The following LRRC28 variants were observed in gnomAD, a reference collection of about 807,000 sequenced individuals.
The protein encoded by LRRC28 is leucine rich repeat containing 28, also known as leucine-rich repeat-containing protein 28.
A neutral mutation model predicts 45.7 loss-of-function variants in LRRC28; 39 were observed. The ratio of observed to expected loss-of-function variants is 0.85; its 90% confidence interval spans 0.66 to 1.12. The LOEUF (loss-of-function observed/expected upper bound fraction) is 1.12. LRRC28 is among the 50% of genes most tolerant of loss of function. LRRC28 has a pLI of 0.00. For synonymous variants in LRRC28, 206 were observed against 178.8 expected (o/e 1.15, Z -1.22); for missense variants, 435 against 438.5 (o/e 0.99, Z 0.07).
intron 6 of LRRC28, among the ~76,000 whole-genome samples, chr15:99,340,189 T>C (rs1956460743): frequency 6.6e-6 from 1 of 152,248 alleles, no homozygotes; most frequent in Admixed American, 6.5e-5. Flanking sequence ...CAGTTTTTTG[T>C]AGTGGTAGTA....
intron 3 of LRRC28, among the ~76,000 whole-genome samples, chr15:99,280,439 A>C (rs1418967237): frequency 3.7e-5 from 5 of 136,062 alleles, no homozygotes; most frequent in African/African-American, 1.1e-4. Context: ...TTTATTGTAC[A>C]TTTATCACCT....
intron 2 of LRRC28, among the ~76,000 whole-genome samples, chr15:99,256,845 G>A (rs1280875648): frequency 6.6e-6 from 1 of 152,112 alleles, no homozygotes; most frequent in African/African-American, 2.4e-5. Context: ...ATTATTTATT[G>A]TAAAATTTGG....
intron 9 of LRRC28, among the ~76,000 whole-genome samples, chr15:99,373,383 AT>A (rs1567707457): frequency 1.3e-5 from 2 of 152,054 alleles, no homozygotes; most frequent in Admixed American, 1.3e-4. Flanking sequence ...TATTTTTAAA[AT>A]TTTTTTCATT....
rs976661298 is a variant in LRRC28 at position 99,387,148 on chromosome 15, C to A, written c.*1046C>A. The A allele has an allele frequency of 6.7e-6, 1 of 150,150 alleles. No individual in the cohort carries two copies. The highest frequency in any genetic ancestry group is 6.7e-5 in the Admixed American group (1 of 15,036). The allele number at this position is 150,150 out of a possible 1,614,324, so 9.3% of individuals were successfully genotyped here. A position where few individuals can be genotyped will look rare whatever the true frequency, so the allele number is the denominator to read the frequency against. ...GGATCTCGGCTCACTGCAAGCTCCGCCTCCCGGGTTCACGCCATTCTCCTG... is the reference window on the plus strand; with the variant it reads ...GGATCTCGGCTCACTGCAAGCTCCGACTCCCGGGTTCACGCCATTCTCCTG... On this transcript the variant is annotated 3_prime_UTR_variant, in exon 10 of 10. Coordinates refer to ENST00000301981, the MANE Select transcript of LRRC28 (RefSeq NM_144598.5).
Position 99,363,271 on chromosome 15 carries a change from C to G in LRRC28, c.1031+6C>G, listed in dbSNP as rs147598945. ...ATGGCAGGGCTGCACCAGTGGTAATCATGCCTAAGTGGGCACCAGGGTTTA... is the reference window on the plus strand; with the variant it reads ...ATGGCAGGGCTGCACCAGTGGTAATGATGCCTAAGTGGGCACCAGGGTTTA... On this transcript the variant is annotated splice_donor_region_variant and intron_variant, in intron 9 of 9. Coordinates refer to ENST00000301981, the MANE Select transcript of LRRC28 (RefSeq NM_144598.5). The G allele has an allele frequency of 1.5e-5, 24 of 1,613,570 alleles. No individual in the cohort carries two copies. Among genetic ancestry groups the G allele is most frequent in the Non-Finnish European group, 2.0e-5 (24 of 1,179,788 alleles).
chr15:99,311,481 G>A (rs111617175), intron 5 of LRRC28, among the ~76,000 whole-genome samples: 41 of 152,210 alleles, frequency 2.7e-4, no homozygotes, highest in African/African-American at 9.2e-4. Flanking sequence ...ATTTCTTCCT[G>A]TTGTTGATTT....
At chr15:99,323,773 T>C (rs549088100) in intron 5 of LRRC28, among the ~76,000 whole-genome samples, 9 of 152,358 alleles carry the variant, frequency 5.9e-5, no homozygotes, top group Non-Finnish European at 8.8e-5. Flanking sequence ...TTTTCTGTTA[T>C]TGTTATTGAA....
intron 9 of LRRC28, among the ~76,000 whole-genome samples, chr15:99,385,779 G>A (rs1466906087): frequency 6.6e-6 from 1 of 151,252 alleles, no homozygotes; most frequent in Non-Finnish European, 1.5e-5. Context: ...CTACTTTAGG[G>A]ATAATATATC....
At chr15:99,259,311 T>A in intron 2 of LRRC28, 2 of 1,241,836 alleles carry the variant, frequency 1.6e-6, no homozygotes, top group Non-Finnish European at 2.4e-6. Flanking sequence ...TATGAAGTTA[T>A]TTACCTCACA....
At chr15:99,279,293 G>C (rs186615135) in intron 3 of LRRC28, among the ~76,000 whole-genome samples, 1 of 152,276 alleles carries the variant, frequency 6.6e-6, no homozygotes, top group East Asian at 1.9e-4. Flanking sequence ...TTGTTTATCT[G>C]TTCATCAGTT....
intron 9 of LRRC28, among the ~76,000 whole-genome samples, chr15:99,369,076 A>G (rs559128242): frequency 6.6e-6 from 1 of 152,172 alleles, no homozygotes; most frequent in East Asian, 1.9e-4. Flanking sequence ...CCAGTTTCCA[A>G]TAATACATTC....
rs527374034 is a variant in LRRC28 at position 99,287,916 on chromosome 15, G to A, written c.350G>A (p.Arg117Gln). 4.7e-5 allele frequency: 76 copies of A among 1,613,668 alleles called. No homozygotes were observed. Among genetic ancestry groups the A allele is most frequent in the African/African-American group, 9.3e-5 (7 of 75,006 alleles). Residue 117 changes from arginine (R) to glutamine (Q), a missense_variant, in exon 5 of 10, where the codon CGA (arginine) becomes CAA (glutamine). Coordinates refer to ENST00000301981, the MANE Select transcript of LRRC28 (RefSeq NM_144598.5). Reference protein sequence around the residue: ...IGRLRALRHLRLANNQLQFLP... With the variant: ...IGRLRALRHLQLANNQLQFLP... ...CGTCTGAGAGCTTTACGTCATCTTCGATTAGCTAATAACCAACTGCAATTC... is the reference window on the plus strand; with the variant it reads ...CGTCTGAGAGCTTTACGTCATCTTCAATTAGCTAATAACCAACTGCAATTC...
At chr15:99,372,045 TCTTGA>T (rs1957498182) in intron 9 of LRRC28, among the ~76,000 whole-genome samples, 1 of 152,226 alleles carries the variant, frequency 6.6e-6, no homozygotes, top group Admixed American at 6.5e-5. Flanking sequence ...ATTAGATGAT[TCTTGA>T]GTAAGTTAAT....
chr15:99,330,188 A>G (rs1956116197), intron 5 of LRRC28, among the ~76,000 whole-genome samples: 1 of 152,134 alleles, frequency 6.6e-6, no homozygotes, highest in Non-Finnish European at 1.5e-5. Context: ...TGGATCTTTC[A>G]GGATTTCAAC....
At chr15:99,333,251 A>G (rs1482271239) in intron 5 of LRRC28, among the ~76,000 whole-genome samples, 1 of 152,254 alleles carries the variant, frequency 6.6e-6, no homozygotes, top group African/African-American at 2.4e-5. Context: ...GTAGACATCA[A>G]TGATGAGGGA....
At chr15:99,354,279 C>T (rs8030479) in intron 7 of LRRC28, among the ~76,000 whole-genome samples, 37,923 of 152,116 alleles carry the variant, frequency 0.25, 5,624 homozygotes, top group African/African-American at 0.41. Flanking sequence ...ATTATACTTA[C>T]AATAATACTT....
chr15:99,304,991 T>C (rs1186303489), intron 5 of LRRC28, among the ~76,000 whole-genome samples: 1 of 152,202 alleles, frequency 6.6e-6, no homozygotes, highest in Non-Finnish European at 1.5e-5. Context: ...TACTTGAGAC[T>C]GTGTGGCCCA....
intron 9 of LRRC28, among the ~76,000 whole-genome samples, chr15:99,378,329 A>T (rs1244004131): frequency 6.6e-6 from 1 of 152,150 alleles, no homozygotes; most frequent in Non-Finnish European, 1.5e-5. Flanking sequence ...TTCACTCATG[A>T]TTTGGCTTTC....
At chr15:99,385,708 G>A (rs554671220) in intron 9 of LRRC28, among the ~76,000 whole-genome samples, 1 of 150,858 alleles carries the variant, frequency 6.6e-6, no homozygotes, top group Admixed American at 6.6e-5. Context: ...GTTGGTTCTA[G>A]AAAGCAGAGT....
Sources: allele counts gnomAD v4.1 joint callset (sites outside exome capture counted in the v4.1 genomes callset), GRCh38; gene constraint gnomAD v4.1.1; transcripts MANE v1.5; gene names NCBI Gene and HGNC (gene_info 2026-07-23, HGNC 2026-07-21).